PDE11A: variants seen among roughly 807,000 people sequenced by gnomAD.
PDE11A encodes phosphodiesterase 11A.
A neutral mutation model predicts 100.5 loss-of-function variants in PDE11A; 100 were observed. That is an observed-to-expected ratio of 1.00 (90% CI 0.85 to 1.18). The LOEUF (loss-of-function observed/expected upper bound fraction) is 1.18. PDE11A is among the 50% of genes most tolerant of loss of function. The pLI, the probability that PDE11A is intolerant of heterozygous loss-of-function variation, is 0.00. For missense variants in PDE11A, 1,141 were observed against 1,152.6 expected (o/e 0.99, Z 0.15); for synonymous variants, 381 against 420.8 (o/e 0.91, Z 1.16).
chr2:177,818,123 T>A (rs941059745), intron 7 of PDE11A, among the ~76,000 whole-genome samples, 198 bp from the exon 8 acceptor site: 1 of 152,078 alleles, frequency 6.6e-6, no homozygotes, highest in African/African-American at 2.4e-5. Context: ...GGCTGATTTA[T>A]TTAGACTAGA....
Position 177,995,649 on chromosome 2 carries a change from C to CCCG in PDE11A, c.1071+18652_1071+18653insCGG, listed in dbSNP as rs756005819. Among the ~76,000 whole-genome samples, 7 of 151,348 alleles carry CCCG rather than the reference C, an allele frequency of 4.6e-5. No homozygotes were observed. In the East Asian group the frequency reaches 1.4e-3, roughly 30 times the overall value. ...CATTAAATACTCCACAAACACCACC[C>CCCG]ACCCCGCATCTGCTGTTTTAACCTA... On this transcript the variant is annotated intron_variant, in intron 2 of 19. Coordinates refer to ENST00000286063, the MANE Select transcript of PDE11A (RefSeq NM_016953.4).
rs1469522170 is a variant in PDE11A, at chr2:177,631,322, A to AAAAAAAAAAAAAAAAAAC, written c.2647-1761_2647-1760insGTTTTTTTTTTTTTTTTT. Among the ~76,000 whole-genome samples the AAAAAAAAAAAAAAAAAAC allele has an allele frequency of 5.3e-4, 9 of 16,888 alleles. 1 individual carries two copies. Among genetic ancestry groups the AAAAAAAAAAAAAAAAAAC allele is most frequent in the Admixed American group, 1.1e-3 (1 of 924 alleles). 11.1% of individuals were successfully genotyped at this position (16,888 alleles called of 152,430 possible). A position where few individuals can be genotyped will look rare whatever the true frequency, so the allele number is the denominator to read the frequency against. ...AAAAAAAAAAAAAACAAAAAAAAAA[A>AAAAAAAAAAAAAAAAAAC]CAACCTAGGCGTGGTGGCACATGCC... is the stretch of plus-strand genomic sequence containing the variant. On this transcript the variant is annotated intron_variant, in intron 19 of 19. Transcript: ENST00000286063.
At chr2:177,947,046 CGTCCGGG>C (rs2085448676) in intron 2 of PDE11A, among the ~76,000 whole-genome samples, 1 of 107,352 alleles carries the variant, frequency 9.3e-6, no homozygotes, top group Non-Finnish European at 2.1e-5. Context: ...CCAGCCGCCC[CGTCCGGG>C]AGGTGAGGGG....
intron 2 of PDE11A, chr2:177,998,219 T>C: frequency 1.2e-6 from 1 of 829,994 alleles, no homozygotes; most frequent in African/African-American, 1.7e-5. Context: ...GAGTCACATC[T>C]TCTAGGACGT....
At chr2:178,041,507 T>C (rs1379824577) in intron 1 of PDE11A, among the ~76,000 whole-genome samples, 1 of 152,160 alleles carries the variant, frequency 6.6e-6, no homozygotes, top group Non-Finnish European at 1.5e-5. Flanking sequence ...CTCCAAGTGC[T>C]GGGATTATAG....
chr2:177,841,324 G>A lies in PDE11A; in HGVS notation c.1368-941C>T, dbSNP rs534639806. Among the ~76,000 whole-genome samples the A allele has an allele frequency of 5.8e-4, 89 of 152,300 alleles. 1 individual carries two copies. The South Asian group carries it at 0.017, about 29-fold the overall frequency. On this transcript the variant is annotated intron_variant, in intron 5 of 19. Coordinates refer to ENST00000286063, the MANE Select transcript of PDE11A (RefSeq NM_016953.4). Reference sequence around the variant, plus strand: ...CTGGAGGATGTCTGATTTGTCGCTTGGCAAGTGATAACTGAAATTATGTGG... The same window carrying A: ...CTGGAGGATGTCTGATTTGTCGCTTAGCAAGTGATAACTGAAATTATGTGG...
intron 15 of PDE11A, among the ~76,000 whole-genome samples, chr2:177,685,476 A>G (rs1483686873): frequency 2.0e-5 from 3 of 152,238 alleles, no homozygotes; most frequent in African/African-American, 7.2e-5. Context: ...TAGGGAACAT[A>G]ACATCTTTGA....
chr2:177,639,490 A>G (rs960610101), intron 19 of PDE11A, among the ~76,000 whole-genome samples: 11 of 152,184 alleles, frequency 7.2e-5, no homozygotes, highest in Admixed American at 2.0e-4. Context: ...AGTGGCAGGA[A>G]GAAGGGTTAA....
chr2:178,039,629 C>T (rs956552260), intron 1 of PDE11A, among the ~76,000 whole-genome samples: 1 of 150,630 alleles, frequency 6.6e-6, no homozygotes, highest in Non-Finnish European at 1.5e-5. Flanking sequence ...ACAAAATGCC[C>T]ATAGCAACAT....
chr2:178,043,428 A>T (rs1405209054), intron 1 of PDE11A, among the ~76,000 whole-genome samples: 1 of 152,152 alleles, frequency 6.6e-6, no homozygotes, highest in African/African-American at 2.4e-5. Context: ...AGACAACATA[A>T]TCTGGTTTTG....
At chr2:178,056,870 A>G (rs1307846709) in intron 1 of PDE11A, among the ~76,000 whole-genome samples, 4 of 152,084 alleles carry the variant, frequency 2.6e-5, no homozygotes, top group African/African-American at 9.7e-5. Flanking sequence ...AAAGAGAATG[A>G]GGAGAAAAAG....
At chr2:177,998,108 C>A in intron 2 of PDE11A, 2 of 1,294,934 alleles carry the variant, frequency 1.5e-6, no homozygotes, top group South Asian at 1.2e-5. Flanking sequence ...TGTTCTAGGT[C>A]GGCCTGTTCA....
chr2:178,029,258 C>T (rs1574352654), intron 1 of PDE11A, among the ~76,000 whole-genome samples: 1 of 152,164 alleles, frequency 6.6e-6, no homozygotes, highest in Non-Finnish European at 1.5e-5. Flanking sequence ...AGTTTGAAAT[C>T]ACCATGTCAA....
At chr2:177,865,437 G>C (rs540222409) in intron 5 of PDE11A, among the ~76,000 whole-genome samples, 2 of 152,164 alleles carry the variant, frequency 1.3e-5, no homozygotes, top group African/African-American at 4.8e-5. Flanking sequence ...AGCTACTGTA[G>C]AAAACAGTCT....
chr2:177,909,822 AT>A (rs2084850949), intron 2 of PDE11A, among the ~76,000 whole-genome samples: 1 of 152,092 alleles, frequency 6.6e-6, no homozygotes, highest in African/African-American at 2.4e-5. Flanking sequence ...TTTATAATCA[AT>A]CTTAAAAGGT....
At chr2:177,907,947 T>C (rs902768669) in intron 2 of PDE11A, among the ~76,000 whole-genome samples, 18 of 152,144 alleles carry the variant, frequency 1.2e-4, no homozygotes, top group African/African-American at 4.3e-4. Context: ...GATCCAGGAG[T>C]CTCATGTCTT....
At chr2:177,987,006 A>G (rs1280883555) in intron 2 of PDE11A, among the ~76,000 whole-genome samples, 1 of 152,180 alleles carries the variant, frequency 6.6e-6, no homozygotes, top group Non-Finnish European at 1.5e-5. Context: ...ATTTCTCAGC[A>G]AACTTTCTGC....
chr2:177,773,158 T>G (rs2082333723), intron 9 of PDE11A, among the ~76,000 whole-genome samples: 1 of 152,056 alleles, frequency 6.6e-6, no homozygotes, highest in African/African-American at 2.4e-5. Flanking sequence ...GTAGCTGGGA[T>G]TACAGGAACA....
intron 5 of PDE11A, among the ~76,000 whole-genome samples, chr2:177,860,945 T>A (rs2083934539): frequency 6.6e-6 from 1 of 151,716 alleles, no homozygotes; most frequent in African/African-American, 2.4e-5. Context: ...TTCCTCAAAC[T>A]AATAAAAGGA....
Sources: gnomAD v4.1 joint callset for allele counts (sites outside exome capture counted in the v4.1 genomes callset) on GRCh38, gnomAD v4.1.1 for gene constraint, MANE v1.5 for transcripts, NCBI Gene and HGNC (gene_info 2026-07-23, HGNC 2026-07-21) for gene names.